HNMT: variants seen among roughly 807,000 people sequenced by gnomAD.
HNMT encodes the protein histamine N-methyltransferase.
In HNMT, 30 loss-of-function variants were observed where a neutral mutation model predicts 32.1. The observed-to-expected ratio is 0.93, with a 90% CI of 0.70 to 1.27. The LOEUF is 1.27. HNMT is among the 50% of genes most tolerant of loss of function. HNMT has a pLI of 0.00. For synonymous variants in HNMT, 125 were observed against 119.0 expected (o/e 1.05, Z -0.33); for missense variants, 327 against 346.0 (o/e 0.95, Z 0.43).
chr2:137,988,157 T>G (rs770346104), intron 2 of HNMT, among the ~76,000 whole-genome samples: 3 of 152,150 alleles, frequency 2.0e-5, no homozygotes, highest in Non-Finnish European at 2.9e-5. Flanking sequence ...ATAGTCTATG[T>G]TTAGTGGAGA....
chr2:137,981,322 C>T (rs1680491529), intron 2 of HNMT: 1 of 1,613,444 alleles, frequency 6.2e-7, no homozygotes, highest in South Asian at 1.1e-5. Context: ...ATGATGAGCG[C>T]TCTTCTGAGT....
At chr2:137,967,130 G>C (rs746608290) in intron 1 of HNMT, 41 of 779,320 alleles carry the variant, frequency 5.3e-5, no homozygotes, top group Non-Finnish European at 9.1e-5. Flanking sequence ...TAAAATACTG[G>C]CCAGATGTGT....
chr2:138,006,981 T>G (rs949031197), intron 5 of HNMT, among the ~76,000 whole-genome samples: 2 of 152,072 alleles, frequency 1.3e-5, no homozygotes, highest in Non-Finnish European at 2.9e-5. Context: ...TGGAAATGTT[T>G]TACTCACTTT....
At chr2:137,999,381 T>C (rs1681092342) in intron 2 of HNMT, among the ~76,000 whole-genome samples, 1 of 152,118 alleles carries the variant, frequency 6.6e-6, no homozygotes, top group African/African-American at 2.4e-5. Context: ...TCATACTCTA[T>C]TTCAGCTTCC....
chr2:138,002,226 AAAG>A lies in HNMT; in HGVS notation c.429+37_429+39del, dbSNP rs754212897. The stretch of plus-strand genomic sequence containing the variant: ...AATATGTATTATAATATATACTCAG[AAAG>A]AAGACTTTTCAGAATATATATATAA... On this transcript the variant is annotated intron_variant, in intron 4 of 5. Transcript: ENST00000280097. 1.8e-5 allele frequency: 25 copies of A among 1,364,900 alleles called. No homozygotes were observed. The East Asian group carries it at 3.4e-4, about 19-fold the overall frequency. 84.5% of individuals were successfully genotyped at this position (1,364,900 alleles called of 1,614,324 possible).
At chr2:138,006,031 G>A (rs1681321936) in intron 5 of HNMT, among the ~76,000 whole-genome samples, 1 of 152,008 alleles carries the variant, frequency 6.6e-6, no homozygotes, top group Non-Finnish European at 1.5e-5. Flanking sequence ...TTGCTTTAAA[G>A]ATGGCAAGCA....
intron 1 of HNMT, among the ~76,000 whole-genome samples, chr2:137,965,932 T>C (rs1679944630): frequency 6.6e-6 from 1 of 152,194 alleles, no homozygotes; most frequent in South Asian, 2.1e-4. Context: ...CTGGAAATAT[T>C]ATAAAATCTG....
In HNMT at chr2:138,005,225, G is replaced by C. The variant is rs891693148; in HGVS notation, c.523G>C (p.Gly175Arg). 3.2e-6 allele frequency: 5 copies of C among 1,542,070 alleles called. No individual in the cohort carries two copies. Among genetic ancestry groups the C allele is most frequent in the Middle Eastern group, 1.7e-4 (1 of 5,894 alleles). Residue 175 changes from glycine (G) to arginine (R), a missense_variant and splice_region_variant, in exon 5 of 6, where the codon GGA (glycine) becomes CGA (arginine). Transcript: ENST00000280097. ...NAKMLIIVVS[G>R]SSGWDKLWKK... ...TAAGATGCTCATTATTGTTGTGTCA[G>C]GTAAGTTATTTTCATTCAGCCTGAA...
At chr2:138,003,595 C>A (rs1187767272) in intron 4 of HNMT, among the ~76,000 whole-genome samples, 1 of 152,076 alleles carries the variant, frequency 6.6e-6, no homozygotes, top group Non-Finnish European at 1.5e-5. Context: ...CTCTACCAGA[C>A]TTGCTTTTGT....
chr2:138,003,680 G>A (rs550175390), intron 4 of HNMT, among the ~76,000 whole-genome samples: 1 of 151,902 alleles, frequency 6.6e-6, no homozygotes, highest in South Asian at 2.1e-4. Context: ...CAGACCATTC[G>A]TTCTGAGCCA....
chr2:137,989,020 A>G (rs1349544783), intron 2 of HNMT, among the ~76,000 whole-genome samples: 1 of 152,158 alleles, frequency 6.6e-6, no homozygotes, highest in Non-Finnish European at 1.5e-5. Context: ...TTGTCTCCCC[A>G]TTATATATAT....
Position 138,005,175 on chromosome 2 carries a change from TC to T in HNMT, c.475del (p.His159IlefsTer4), listed in dbSNP as rs765863580. On this transcript the variant is annotated frameshift_variant, in exon 5 of 6. Coordinates refer to ENST00000280097, the MANE Select transcript of HNMT (RefSeq NM_006895.3). LOFTEE classifies it high-confidence loss of function. ...VKDIPATLKF[F>X]HSLLGTNAKM... Reference sequence around the variant, plus strand: ...GACATCCCAGCTACCCTGAAATTCTTCCATAGTCTCTTAGGTACCAATGCTA... The same window carrying T: ...GACATCCCAGCTACCCTGAAATTCTTCATAGTCTCTTAGGTACCAATGCTA... The T allele has an allele frequency of 8.1e-6, 13 of 1,604,666 alleles. No individual in the cohort carries two copies. The Admixed American group carries it at 2.2e-4, about 27-fold the overall frequency.
At chr2:138,007,856 T>C (rs753080857) in intron 5 of HNMT, among the ~76,000 whole-genome samples, 1 of 151,994 alleles carries the variant, frequency 6.6e-6, no homozygotes, top group Non-Finnish European at 1.5e-5. Context: ...ACCGTGACTC[T>C]TTTTCTCACC....
intron 2 of HNMT, among the ~76,000 whole-genome samples, chr2:137,983,801 G>A (rs572357418): frequency 1.4e-4 from 22 of 152,258 alleles, no homozygotes; most frequent in Admixed American, 7.2e-4. Context: ...TCTCTGGGAC[G>A]GTAAGAGTTT....
At chr2:138,003,243 T>A (rs573824283) in intron 4 of HNMT, among the ~76,000 whole-genome samples, 8,573 of 151,166 alleles carry the variant, frequency 0.057, 776 homozygotes, top group African/African-American at 0.19. Flanking sequence ...ATAATAATAA[T>A]AATAAAAGAA....
At chr2:137,966,362 T>C (rs2104918313) in intron 1 of HNMT, among the ~76,000 whole-genome samples, 1 of 152,332 alleles carries the variant, frequency 6.6e-6, no homozygotes, top group Admixed American at 6.5e-5. Context: ...TAGTTATTTA[T>C]GGAATTTTCT....
In HNMT at chr2:137,993,552, T is replaced by C. The variant is rs372432153; in HGVS notation, c.191-7366T>C. Among the ~76,000 whole-genome samples the C allele has an allele frequency of 3.5e-4, 54 of 152,180 alleles. No individual in the cohort carries two copies. In the South Asian group the frequency reaches 8.7e-3, roughly 25 times the overall value. On this transcript the variant is annotated intron_variant, in intron 2 of 5. Coordinates refer to ENST00000280097, the MANE Select transcript of HNMT (RefSeq NM_006895.3). Reference sequence around the variant, plus strand: ...ATAAGAAGACCAAACCTACAATTGATTGGAGTCCAAGAAGGAGATGGAGAG... The same window carrying C: ...ATAAGAAGACCAAACCTACAATTGACTGGAGTCCAAGAAGGAGATGGAGAG...
chr2:137,964,681 T>G (rs1679899538), intron 1 of HNMT, 53 bp downstream of exon 1: 1 of 1,586,068 alleles, frequency 6.3e-7, no homozygotes, highest in Non-Finnish European at 8.7e-7. Flanking sequence ...TGGCTGTGCG[T>G]CAGTGATAGA....
intron 1 of HNMT, 143 bp downstream of exon 1, chr2:137,964,771 GCTGCC>G: frequency 1.3e-6 from 1 of 763,228 alleles, no homozygotes; most frequent in Non-Finnish European, 2.2e-6. Context: ...TCCCCTCCTC[GCTGCC>G]CTGCCCTGCC....
Sources: allele counts gnomAD v4.1 joint callset (sites outside exome capture counted in the v4.1 genomes callset), GRCh38; gene constraint gnomAD v4.1.1; transcripts MANE v1.5; gene names NCBI Gene and HGNC (gene_info 2026-07-23, HGNC 2026-07-21).